PAPPA2: variants seen among roughly 807,000 people sequenced by gnomAD.
PAPPA2 encodes pappalysin-2.
Under a neutral mutation model 176.4 loss-of-function variants are expected in PAPPA2, and 86 were observed. That is an observed-to-expected ratio of 0.49 (90% CI 0.41 to 0.58). PAPPA2 has a LOEUF of 0.58. Among genes scored for constraint, PAPPA2 ranks in the 20% least tolerant of loss-of-function variants. PAPPA2 has a pLI of 0.00. For missense variants in PAPPA2, 2,073 were observed against 2,256.9 expected (o/e 0.92, Z 1.65); for synonymous variants, 809 against 852.2 (o/e 0.95, Z 0.88).
At chr1:176,776,058 T>C (rs1349229815) in intron 17 of PAPPA2, among the ~76,000 whole-genome samples, 1 of 152,148 alleles carries the variant, frequency 6.6e-6, no homozygotes, top group African/African-American at 2.4e-5. Flanking sequence ...TTTCCTCCCA[T>C]GCAATTTACT....
chr1:176,567,126 G>A (rs1398473270), intron 2 of PAPPA2, among the ~76,000 whole-genome samples: 4 of 152,250 alleles, frequency 2.6e-5, no homozygotes, highest in Non-Finnish European at 5.9e-5. Flanking sequence ...TAACAGCATC[G>A]TTTCTTTCCC....
In PAPPA2 at chr1:176,771,137, C is replaced by A; in HGVS notation, c.4672C>A (p.Pro1558Thr). Residue 1558 changes from proline (P) to threonine (T), a missense_variant, in exon 17 of 23, where the codon CCA (proline) becomes ACA (threonine). Transcript: ENST00000367662. ...VGTICKYECK[P>T]GYYVAESAEG... Reference sequence around the variant, plus strand: ...CACCATCTGCAAATATGAATGCAAACCAGGGTACTATGTGGCAGAAAGTGC... The same window carrying A: ...CACCATCTGCAAATATGAATGCAAAACAGGGTACTATGTGGCAGAAAGTGC... 6.2e-7 allele frequency: 1 copy of A among 1,614,144 alleles called. No individual in the cohort carries two copies. The highest frequency in any genetic ancestry group is 8.5e-7 in the Non-Finnish European group (1 of 1,180,020).
chr1:176,482,246 C>T (rs745656790), intron 1 of PAPPA2, among the ~76,000 whole-genome samples: 55 of 152,200 alleles, frequency 3.6e-4, no homozygotes, highest in Admixed American at 8.5e-4. Context: ...TTCCCTAAGC[C>T]GAATAATGGC....
chr1:176,791,197 TTTTTG>T, intron 18 of PAPPA2, 145 bp from the exon 19 acceptor site: 1 of 353,490 alleles, frequency 2.8e-6, no homozygotes, highest in Non-Finnish European at 4.8e-6. Context: ...TTTTTTTTTT[TTTTTG>T]GCCAGTAACA....
At chr1:176,573,203 C>T (rs916735325) in intron 2 of PAPPA2, among the ~76,000 whole-genome samples, 16 of 152,294 alleles carry the variant, frequency 1.1e-4, no homozygotes, top group Non-Finnish European at 2.2e-4. Flanking sequence ...TGTGTGACTT[C>T]TTGGCTTTTG....
At chr1:176,716,533 A>T (rs1558538918) in intron 12 of PAPPA2, among the ~76,000 whole-genome samples, 1 of 150,988 alleles carries the variant, frequency 6.6e-6, no homozygotes. Flanking sequence ...GGCATGAGCC[A>T]CTGCGCCCAG....
intron 1 of PAPPA2, among the ~76,000 whole-genome samples, chr1:176,479,377 A>G (rs781251944): frequency 5.9e-5 from 9 of 152,158 alleles, no homozygotes; most frequent in Admixed American, 1.3e-4. Flanking sequence ...GATCATTAAA[A>G]AAAGGCAGTG....
intron 3 of PAPPA2, among the ~76,000 whole-genome samples, chr1:176,612,171 A>T (rs751165668): frequency 2.0e-5 from 3 of 152,192 alleles, no homozygotes; most frequent in Non-Finnish European, 4.4e-5. Context: ...ATGTAGGCAG[A>T]TCACATGAGA....
At chr1:176,632,938 T>G (rs923089488) in intron 3 of PAPPA2, among the ~76,000 whole-genome samples, 4 of 151,684 alleles carry the variant, frequency 2.6e-5, no homozygotes, top group Non-Finnish European at 1.5e-5. Context: ...AAGATGAAGA[T>G]GAACAACAGG....
At chr1:176,506,192 C>T (rs1436562213) in intron 1 of PAPPA2, among the ~76,000 whole-genome samples, 1 of 152,078 alleles carries the variant, frequency 6.6e-6, no homozygotes, top group Non-Finnish European at 1.5e-5. Flanking sequence ...ATTTTCTGTT[C>T]TGTTCCATTG....
In PAPPA2 at chr1:176,840,251, T is replaced by C. The variant is rs1667435410; in HGVS notation, c.5281T>C (p.Ser1761Pro). The C allele has an allele frequency of 2.5e-6, 4 of 1,612,690 alleles. No homozygotes were observed. The highest frequency in any genetic ancestry group is 3.4e-6 in the Non-Finnish European group (4 of 1,179,012). Residue 1761 changes from serine (S) to proline (P), a missense_variant, in exon 22 of 23, where the codon TCC becomes CCC. Ser to Pro is a moderately conservative substitution (Grantham distance 74, BLOSUM62 -1). Transcript: ENST00000367662. ...CHYDGGDCCS[S>P]TLSSKKVIPF... is the part of the protein sequence containing the mutation. The stretch of plus-strand genomic sequence containing the variant: ...CTATGACGGGGGAGACTGCTGCTCT[T>C]CCACACTCTCCTCCAAGAAGGTGAG...
intron 21 of PAPPA2, among the ~76,000 whole-genome samples, chr1:176,829,277 A>G (rs867538233): frequency 1.3e-5 from 2 of 151,028 alleles, no homozygotes; most frequent in African/African-American, 4.9e-5. Flanking sequence ...GGAGAGAATG[A>G]GAGAGAATGG....
chr1:176,802,715 A>G (rs748137014), intron 21 of PAPPA2, among the ~76,000 whole-genome samples: 22 of 152,150 alleles, frequency 1.4e-4, no homozygotes, highest in Non-Finnish European at 3.2e-4. Flanking sequence ...TGCCTCATTC[A>G]TTATTTCTCC....
chr1:176,806,132 G>A (rs1360220745), intron 21 of PAPPA2, among the ~76,000 whole-genome samples: 2 of 151,778 alleles, frequency 1.3e-5, no homozygotes, highest in Admixed American at 6.6e-5. Flanking sequence ...GCCTTTTAAA[G>A]TTTGGGAGGA....
chr1:176,737,946 G>T (rs1662493923), intron 12 of PAPPA2, among the ~76,000 whole-genome samples: 1 of 152,214 alleles, frequency 6.6e-6, no homozygotes, highest in Middle Eastern at 3.4e-3. Flanking sequence ...GAGTCCTAAT[G>T]GGGTAAAGCC....
At chr1:176,745,953 C>T (rs1662887885) in intron 14 of PAPPA2, among the ~76,000 whole-genome samples, 1 of 152,170 alleles carries the variant, frequency 6.6e-6, no homozygotes, top group Non-Finnish European at 1.5e-5. Flanking sequence ...CCCCACTGGG[C>T]ACTAATGAAA....
At chr1:176,636,217 G>A (rs144508080) in intron 3 of PAPPA2, among the ~76,000 whole-genome samples, 145 of 152,212 alleles carry the variant, frequency 9.5e-4, no homozygotes, top group Middle Eastern at 6.8e-3. Flanking sequence ...TGCTCAATTT[G>A]CAGAGATAAT....
chr1:176,831,900 T>C (rs1667093725), intron 21 of PAPPA2, among the ~76,000 whole-genome samples: 1 of 152,182 alleles, frequency 6.6e-6, no homozygotes. Context: ...TTTTCTGTTT[T>C]TATAAGTTTC....
chr1:176,722,879 T>G (rs1033148484), intron 12 of PAPPA2, among the ~76,000 whole-genome samples: 2 of 152,216 alleles, frequency 1.3e-5, no homozygotes, highest in African/African-American at 4.8e-5. Context: ...TACTTTAATA[T>G]ATGTCAGTTA....
Sources: allele counts gnomAD v4.1 joint callset (sites outside exome capture counted in the v4.1 genomes callset), GRCh38; gene constraint gnomAD v4.1.1; transcripts MANE v1.5; gene names NCBI Gene and HGNC (gene_info 2026-07-23, HGNC 2026-07-21).